The following RGL1 variants were observed in gnomAD, a reference collection of about 807,000 sequenced individuals.
RGL1 encodes ral guanine nucleotide dissociation stimulator like 1.
Under a neutral mutation model 95.2 loss-of-function variants are expected in RGL1, and 24 were observed. The ratio of observed to expected loss-of-function variants is 0.25; its 90% CI spans 0.18 to 0.35. The LOEUF (loss-of-function observed/expected upper bound fraction) is 0.35, where lower values mean the gene tolerates loss of function less well. Ranked by LOEUF, RGL1 falls within the 10% of genes least tolerant of loss-of-function variation. RGL1 has a pLI of 1.00. For missense variants in RGL1, 715 were observed against 936.3 expected (o/e 0.76, Z 3.08); for synonymous variants, 329 against 344.9 (o/e 0.95, Z 0.51).
chr1:183,685,966 A>C (rs1315549492), intron 1 of RGL1, among the ~76,000 whole-genome samples: 1 of 152,192 alleles, frequency 6.6e-6, no homozygotes, highest in East Asian at 1.9e-4. Flanking sequence ...ATATTTATTC[A>C]ATTCATATTT....
chr1:183,740,477 G>A (rs142663076), intron 1 of RGL1, among the ~76,000 whole-genome samples: 3 of 152,140 alleles, frequency 2.0e-5, no homozygotes, highest in African/African-American at 4.8e-5. Context: ...TCTTAAATCC[G>A]CTGACCCGTC....
intron 2 of RGL1, among the ~76,000 whole-genome samples, chr1:183,752,915 A>G (rs1658114028): frequency 6.6e-6 from 1 of 152,114 alleles, no homozygotes; most frequent in Admixed American, 6.5e-5. Flanking sequence ...TGTTTAGATC[A>G]TCTCTACATT....
chr1:183,636,916 C>T (rs1224843795), intron 1 of RGL1, among the ~76,000 whole-genome samples: 5 of 152,178 alleles, frequency 3.3e-5, no homozygotes, highest in Non-Finnish European at 7.3e-5. Context: ...GGACACTGCT[C>T]GGTATGGGTC....
At chr1:183,838,820 G>A (rs549590528) in intron 2 of RGL1, among the ~76,000 whole-genome samples, 19 of 152,288 alleles carry the variant, frequency 1.2e-4, no homozygotes, top group African/African-American at 4.3e-4. Flanking sequence ...CTAATTTGTA[G>A]CATTGCTAAT....
At chr1:183,663,210 A>T (rs1326970144) in intron 1 of RGL1, among the ~76,000 whole-genome samples, 1 of 152,048 alleles carries the variant, frequency 6.6e-6, no homozygotes, top group Admixed American at 6.5e-5. Flanking sequence ...AAATTGACAA[A>T]TGGGATCTAA....
chr1:183,687,792 G>A (rs1385814751), intron 1 of RGL1, among the ~76,000 whole-genome samples: 2 of 152,110 alleles, frequency 1.3e-5, no homozygotes, highest in Non-Finnish European at 2.9e-5. Flanking sequence ...ACTCGATACC[G>A]GGCCAATGAA....
intron 8 of RGL1, 96 bp from the exon 9 acceptor site, chr1:183,891,981 C>T: frequency 2.3e-6 from 2 of 852,348 alleles, no homozygotes; most frequent in Non-Finnish European, 1.9e-6. Flanking sequence ...TCAGCACAGT[C>T]CCTCCTTAGA....
At chr1:183,768,905 A>G (rs1484361970) in intron 2 of RGL1, among the ~76,000 whole-genome samples, 2 of 152,250 alleles carry the variant, frequency 1.3e-5, no homozygotes, top group Non-Finnish European at 2.9e-5. Context: ...CTGAACTGTC[A>G]TATAAGATAT....
intron 2 of RGL1, among the ~76,000 whole-genome samples, chr1:183,783,904 T>A (rs1445607897): frequency 1.3e-5 from 2 of 152,128 alleles, no homozygotes; most frequent in Non-Finnish European, 2.9e-5. Context: ...GGTGTGGAGT[T>A]GTCAGGAATA....
At chr1:183,906,787 A>G (rs1668354105) in intron 13 of RGL1, among the ~76,000 whole-genome samples, 1 of 136,698 alleles carries the variant, frequency 7.3e-6, no homozygotes, top group Non-Finnish European at 1.6e-5. Context: ...AATAGCCTCA[A>G]TCCATATGCC....
chr1:183,851,018 A>C, intron 3 of RGL1, among the ~76,000 whole-genome samples: 1 of 152,198 alleles, frequency 6.6e-6, no homozygotes, highest in African/African-American at 2.4e-5. Flanking sequence ...ACTCATGTAC[A>C]TCCAGATTTT....
At chr1:183,647,671 G>A in intron 1 of RGL1, 1 of 1,588,382 alleles carries the variant, frequency 6.3e-7, no homozygotes, top group Non-Finnish European at 8.6e-7. Context: ...CTGTAGGAAT[G>A]TAGATTTTAT....
chr1:183,648,898 A>C (rs1337704109), intron 1 of RGL1: 47 of 814,420 alleles, frequency 5.8e-5, no homozygotes, highest in Non-Finnish European at 7.9e-5. Flanking sequence ...ACTTTCTTTA[A>C]AGGAAGTAGC....
At chr1:183,781,885 T>C (rs1260434055) in intron 2 of RGL1, among the ~76,000 whole-genome samples, 1 of 152,214 alleles carries the variant, frequency 6.6e-6, no homozygotes, top group Non-Finnish European at 1.5e-5. Flanking sequence ...TCTAAAAAGG[T>C]TATGCCCATT....
intron 4 of RGL1, among the ~76,000 whole-genome samples, chr1:183,877,455 C>G (rs1034992409): frequency 6.6e-6 from 1 of 152,198 alleles, no homozygotes; most frequent in Non-Finnish European, 1.5e-5. Flanking sequence ...CTAAATCTAT[C>G]AAGAACGGAA....
chr1:183,849,318 A>G (rs1664660112), intron 3 of RGL1, among the ~76,000 whole-genome samples: 1 of 152,012 alleles, frequency 6.6e-6, no homozygotes, highest in South Asian at 2.1e-4. Context: ...TAGTATATAT[A>G]AAAGGCTTAG....
chr1:183,800,547 A>C (rs1488149149), upstream of RGL1, among the ~76,000 whole-genome samples: 1 of 152,232 alleles, frequency 6.6e-6, no homozygotes, highest in Admixed American at 6.5e-5. Context: ...CCTATTTAGC[A>C]GATTTTCGTG....
upstream of RGL1, among the ~76,000 whole-genome samples, chr1:183,801,255 A>G (rs1195977737): frequency 6.6e-6 from 1 of 151,638 alleles, no homozygotes; most frequent in Non-Finnish European, 1.5e-5. Context: ...ATGATTAGTG[A>G]TGTTGAGCAC....
rs76065825 is a variant in RGL1 at position 183,689,676 on chromosome 1, T to C, written c.-32-52450T>C. On this transcript the variant is annotated intron_variant, in intron 1 of 18. Coordinates refer to the RGL1 transcript ENST00000304685. ...AATAAATGTCTGCTGAGTGAATAAA[T>C]AAAAAAGTGAGTGATAGCTCCTGAT... 8.5e-3 allele frequency among the ~76,000 whole-genome samples: 1,294 copies of C among 152,196 alleles called. 23 individuals carry two copies. The highest frequency in any genetic ancestry group is 0.029 in the African/African-American group (1,201 of 41,542).
Sources: gnomAD v4.1 joint callset for allele counts (sites outside exome capture counted in the v4.1 genomes callset) on GRCh38, gnomAD v4.1.1 for gene constraint, MANE v1.5 for transcripts, NCBI Gene and HGNC (gene_info 2026-07-23, HGNC 2026-07-21) for gene names.